The following SLC43A2 variants were observed in gnomAD, a reference collection of about 807,000 sequenced individuals.
SLC43A2 encodes the protein large neutral amino acids transporter small subunit 4.
A neutral mutation model predicts 63.2 loss-of-function variants in SLC43A2; 38 were observed. The observed-to-expected ratio is 0.60, with a 90% CI of 0.46 to 0.79. SLC43A2 has a LOEUF of 0.79. Ranked by LOEUF, SLC43A2 falls within the 30% of genes least tolerant of loss-of-function variation. The pLI is 0.00. For synonymous variants in SLC43A2, 322 were observed against 331.0 expected, an observed-to-expected ratio of 0.97 and a Z score of 0.30; for missense variants, 644 against 756.2, an observed-to-expected ratio of 0.85 and a Z score of 1.74.
intron 2 of SLC43A2, among the ~76,000 whole-genome samples, chr17:1,617,579 T>C (rs1907795370): frequency 6.6e-6 from 1 of 152,056 alleles, no homozygotes; most frequent in Non-Finnish European, 1.5e-5. Context: ...TTAGTAAAGA[T>C]GGGGTTTCAT....
At chr17:1,594,615 T>G (rs1905105280) in intron 5 of SLC43A2, among the ~76,000 whole-genome samples, 1 of 129,346 alleles carries the variant, frequency 7.7e-6, no homozygotes, top group Admixed American at 8.2e-5. Context: ...TGAGACGGAG[T>G]CTCGCTCTTT....
upstream of SLC43A2, among the ~76,000 whole-genome samples, chr17:1,629,476 C>G (rs1908990745): frequency 6.6e-6 from 1 of 152,256 alleles, no homozygotes; most frequent in South Asian, 2.1e-4. Flanking sequence ...ATGCACCGAC[C>G]CCTTCCCCTC....
At chr17:1,597,691 C>T (rs1905446230) in intron 5 of SLC43A2, among the ~76,000 whole-genome samples, 3 of 150,114 alleles carry the variant, frequency 2.0e-5, no homozygotes, top group Admixed American at 1.3e-4. Context: ...CCCAGCTACT[C>T]AGGAGGCTGA....
intron 5 of SLC43A2, among the ~76,000 whole-genome samples, chr17:1,611,907 C>G (rs1466380178): frequency 1.0e-4 from 1 of 9,550 alleles, no homozygotes; most frequent in East Asian, 0.5. Context: ...ACTGGGCGAG[C>G]CCACAGAGTT....
intron 3 of SLC43A2, 155 bp downstream of exon 3, chr17:1,616,407 C>T (rs570041248): frequency 1.3e-5 from 9 of 701,316 alleles, no homozygotes; most frequent in East Asian, 5.4e-5. Flanking sequence ...CCTGCTGATT[C>T]GGTGGCGGAC....
intron 12 of SLC43A2, 143 bp from the exon 13 acceptor site, chr17:1,576,863 GTT>G (rs35969643): frequency 0.041 from 23,319 of 570,808 alleles, 3 homozygotes; most frequent in South Asian, 0.049. Context: ...GGGCAGTTCT[GTT>G]TTTTTTTTTT....
chr17:1,591,243 G>T (rs201904247), intron 8 of SLC43A2, 26 bp downstream of exon 8: 6 of 1,597,800 alleles, frequency 3.8e-6, no homozygotes, highest in Admixed American at 1.7e-5. Flanking sequence ...CCTGCCCGTC[G>T]CCCGGCTGCG....
At chr17:1,600,152 A>ATATATT (rs1216616243) in intron 5 of SLC43A2, among the ~76,000 whole-genome samples, 2,120 of 60,308 alleles carry the variant, frequency 0.035, 169 homozygotes, top group Non-Finnish European at 0.05. Context: ...ATATATATAT[A>ATATATT]TTTTTTTTTT....
At chr17:1,596,656 T>G (rs60070465) in intron 5 of SLC43A2, among the ~76,000 whole-genome samples, 8,510 of 151,904 alleles carry the variant, frequency 0.056, 710 homozygotes, top group African/African-American at 0.18. Flanking sequence ...CTCGGCCCAC[T>G]CCAACCTCTG....
At chr17:1,595,124 T>TA (rs1479740973) in intron 5 of SLC43A2, among the ~76,000 whole-genome samples, 1 of 151,646 alleles carries the variant, frequency 6.6e-6, no homozygotes, top group East Asian at 2.0e-4. Context: ...CTACTAAAAA[T>TA]ACAAAAATTA....
At chr17:1,592,862 GGAGCAGCGGGA>G (rs1169416337) in intron 6 of SLC43A2, among the ~76,000 whole-genome samples, 2 of 152,192 alleles carry the variant, frequency 1.3e-5, no homozygotes, top group Non-Finnish European at 2.9e-5. Context: ...GGGGAGCAGG[GGAGCAGCGGGA>G]GACCAGGATG....
Position 1,593,642 on chromosome 17 carries a change from A to G in SLC43A2, c.502-363T>C, listed in dbSNP as rs1905023216. Among the ~76,000 whole-genome samples, 1 of 152,200 alleles carries G rather than the reference A, an allele frequency of 6.6e-6. No homozygotes were observed. The stretch of plus-strand genomic sequence containing the variant: ...GCCTCAGGCAGCCCTCAAAGGGAGA[A>G]AGCCTGTTAAAAATAAGAATCTATT... On this transcript the variant is annotated intron_variant, in intron 5 of 13. Coordinates refer to ENST00000301335, the MANE Select transcript of SLC43A2 (RefSeq NM_152346.3). The surrounding 1 kb of genome is among the most constrained non-coding windows in gnomAD (Gnocchi z 5.3).
At chr17:1,626,062 C>T (rs1908635069) in intron 2 of SLC43A2, among the ~76,000 whole-genome samples, 1 of 150,792 alleles carries the variant, frequency 6.6e-6, no homozygotes, top group South Asian at 2.1e-4. Flanking sequence ...GACCTTCCGA[C>T]ATCATGGTGG....
At chr17:1,594,744 C>T (rs573182482) in intron 5 of SLC43A2, among the ~76,000 whole-genome samples, 45 of 151,652 alleles carry the variant, frequency 3.0e-4, no homozygotes, top group East Asian at 1.2e-3. Flanking sequence ...CCCGCCACCA[C>T]ACCCGGCTAA....
intron 6 of SLC43A2, among the ~76,000 whole-genome samples, chr17:1,592,901 A>G (rs1904951722): frequency 6.6e-6 from 1 of 152,174 alleles, no homozygotes; most frequent in South Asian, 2.1e-4. Flanking sequence ...AGACGGGGGC[A>G]AGACTCACAA....
intron 2 of SLC43A2, among the ~76,000 whole-genome samples, chr17:1,626,411 G>A (rs186550604): frequency 6.6e-6 from 1 of 152,210 alleles, no homozygotes; most frequent in East Asian, 1.9e-4. Flanking sequence ...GCTGATGTGG[G>A]GAAAGACCTG....
intron 10 of SLC43A2, among the ~76,000 whole-genome samples, chr17:1,584,853 C>T (rs1043080298): frequency 5.9e-5 from 9 of 152,074 alleles, no homozygotes; most frequent in South Asian, 2.1e-4. Context: ...AAGAAAACAG[C>T]GTTTAACTCA....
In SLC43A2 at chr17:1,576,587, C is replaced by T. The variant is rs757205198; in HGVS notation, c.1548+10G>A. 3.8e-6 allele frequency: 6 copies of T among 1,596,804 alleles called. No homozygotes were observed. Among genetic ancestry groups the T allele is most frequent in the South Asian group, 3.3e-5 (3 of 90,590 alleles). ...GCGCCCATGACCCACCATCCCCCGA[C>T]CCCTCTTACCCACAGAGGGTCTCCC... On this transcript the variant is annotated intron_variant, in intron 13 of 13. Transcript: ENST00000301335.
chr17:1,614,284 G>A (rs1029061045), intron 4 of SLC43A2, among the ~76,000 whole-genome samples: 12 of 151,988 alleles, frequency 7.9e-5, no homozygotes, highest in Non-Finnish European at 1.2e-4. Flanking sequence ...GTGTGTGCGT[G>A]CCTGTAGTCC....
Sources: allele counts gnomAD v4.1 joint callset (sites outside exome capture counted in the v4.1 genomes callset), GRCh38; gene constraint gnomAD v4.1.1; non-coding constraint Gnocchi (gnomAD v3.1); transcripts MANE v1.5; gene names NCBI Gene and HGNC (gene_info 2026-07-23, HGNC 2026-07-21).